Variants in DLGAP2 observed in about 807,000 individuals in gnomAD.
DLGAP2 encodes the protein disks large-associated protein 2.
In DLGAP2, 26 loss-of-function variants were observed where a neutral mutation model predicts 100.3. The observed-to-expected ratio is 0.26, with a 90% CI of 0.19 to 0.36. The LOEUF is 0.36. DLGAP2 is among the 10% of genes least tolerant of loss of function. DLGAP2 has a pLI of 1.00. For synonymous variants in DLGAP2, 886 were observed against 630.1 expected, an observed-to-expected ratio of 1.41 and a Z score of -6.08; for missense variants, 1,858 against 1,453.2, an observed-to-expected ratio of 1.28 and a Z score of -4.53.
Position 1,549,483 on chromosome 8 carries a change from A to G in DLGAP2, c.1030A>G (p.Lys344Glu). The G allele has an allele frequency of 6.2e-7, 1 of 1,613,546 alleles. No homozygotes were observed. Among genetic ancestry groups the G allele is most frequent in the Non-Finnish European group, 8.5e-7 (1 of 1,179,824 alleles). Residue 344 changes from lysine to glutamate, a missense_variant, in exon 5 of 15, where the codon AAG becomes GAG. Physicochemically the swap from Lys to Glu is moderately conservative, Grantham distance 56. Coordinates refer to ENST00000637795, the MANE Select transcript of DLGAP2 (RefSeq NM_001346810.2). ...CGGGGACCTGTCCCTCAAGACCTCC[A>G]AGAGCAACAACGACGTCAAGTGCTC... is the stretch of plus-strand genomic sequence containing the variant. The part of the protein sequence containing the change: ...PFGDLSLKTS[K>E]SNNDVKCSAC...
chr8:874,869 C>T (rs1190659671), intron 1 of DLGAP2, among the ~76,000 whole-genome samples: 2 of 152,156 alleles, frequency 1.3e-5, no homozygotes, highest in Admixed American at 1.3e-4. Flanking sequence ...TTTTGCTTCA[C>T]ATGTTTTGGT....
chr8:1,683,992 T>C (rs1209939400), intron 12 of DLGAP2, among the ~76,000 whole-genome samples: 1 of 113,090 alleles, frequency 8.8e-6, no homozygotes, highest in African/African-American at 3.5e-5. Context: ...ATATATACTT[T>C]TTTTTTTAAG....
chr8:1,372,818 G>T (rs1318173006), intron 3 of DLGAP2, among the ~76,000 whole-genome samples: 3 of 152,212 alleles, frequency 2.0e-5, no homozygotes, highest in Non-Finnish European at 4.4e-5. Context: ...CATGGCGTTA[G>T]ATACAGCCAC....
Position 1,678,483 on chromosome 8 carries a change from T to G in DLGAP2, c.2558T>G (p.Ile853Ser). The change falls in exon 12 of 15, where the codon ATC (isoleucine) becomes AGC (serine). Residue 853 changes from isoleucine to serine, a missense_variant. Ile to Ser is a moderately radical substitution (Grantham distance 142). Transcript: ENST00000637795. The part of the protein sequence containing the change: ...PPPDPWLEPA[I>S]DTVETGRMSP... ...CCAGACCCCTGGCTGGAGCCCGCCA[T>G]CGACACGGTAGAGACTGGGAGGATG... The G allele has an allele frequency of 6.2e-7, 1 of 1,613,252 alleles. No homozygotes were observed. Among genetic ancestry groups the G allele is most frequent in the Middle Eastern group, 1.7e-4 (1 of 6,060 alleles).
intron 3 of DLGAP2, among the ~76,000 whole-genome samples, chr8:1,417,690 G>A: frequency 6.9e-6 from 1 of 145,852 alleles, no homozygotes; most frequent in Non-Finnish European, 1.5e-5. Context: ...GGGGGGCACA[G>A]GGGGCCCCAC....
intron 2 of DLGAP2, among the ~76,000 whole-genome samples, chr8:1,064,867 C>T (rs992330143): frequency 1.3e-5 from 2 of 152,298 alleles, no homozygotes; most frequent in Middle Eastern, 3.4e-3. Context: ...CACACCTGGC[C>T]CCTGCACACA....
chr8:1,010,504 A>G lies in DLGAP2; in HGVS notation c.73+102538A>G, dbSNP rs76103777. ...CTAAAATACTACACATTACCCACAT[A>G]TGGGCACACATACGCCCACACACAC... On this transcript the variant is annotated intron_variant, in intron 2 of 14. Transcript: ENST00000637795. Among the ~76,000 whole-genome samples, 900 of 152,358 alleles carry G rather than the reference A, an allele frequency of 5.9e-3. 39 individuals carry two copies. In the East Asian group the frequency reaches 0.099, roughly 17 times the overall value.
At chr8:1,417,587 C>G (rs928450715) in intron 3 of DLGAP2, among the ~76,000 whole-genome samples, 10 of 87,682 alleles carry the variant, frequency 1.1e-4, no homozygotes, top group African/African-American at 4.4e-4. Flanking sequence ...AAAATGCGGA[C>G]AGATAAATAG....
At chr8:1,233,896 G>A (rs1798589012) in intron 2 of DLGAP2, among the ~76,000 whole-genome samples, 1 of 152,164 alleles carries the variant, frequency 6.6e-6, no homozygotes, top group Non-Finnish European at 1.5e-5. Context: ...GATGTATATG[G>A]AGGATAATAA....
At chr8:1,157,348 G>C (rs73182695) in intron 2 of DLGAP2, among the ~76,000 whole-genome samples, 11,003 of 152,198 alleles carry the variant, frequency 0.072, 536 homozygotes, top group Middle Eastern at 0.19. Context: ...CAGCGACGAC[G>C]GCCCTCAGGG....
intron 2 of DLGAP2, among the ~76,000 whole-genome samples, chr8:1,120,036 C>G (rs948593751): frequency 6.6e-6 from 1 of 152,196 alleles, no homozygotes; most frequent in Non-Finnish European, 1.5e-5. Flanking sequence ...AACCCTGTGT[C>G]AGGCAGCAAC....
At chr8:1,565,645 A>G in intron 5 of DLGAP2, 38 bp from the exon 6 acceptor site, 1 of 1,556,664 alleles carries the variant, frequency 6.4e-7, no homozygotes, top group Non-Finnish European at 8.8e-7. Context: ...GTTCTCAGTG[A>G]CAAAGTTGAT....
chr8:1,436,676 A>G (rs1367832192), intron 3 of DLGAP2, among the ~76,000 whole-genome samples: 1 of 152,168 alleles, frequency 6.6e-6, no homozygotes, highest in Admixed American at 6.5e-5. Flanking sequence ...TGTAGAGTCT[A>G]CAGTAGCATA....
intron 1 of DLGAP2, among the ~76,000 whole-genome samples, chr8:901,684 G>T (rs1408004053): frequency 6.6e-6 from 1 of 152,210 alleles, no homozygotes; most frequent in Admixed American, 6.5e-5. Context: ...TGTTTGATCA[G>T]TGGAGAGGGA....
At chr8:1,002,988 G>A (rs966831380) in intron 2 of DLGAP2, 8 of 152,224 alleles carry the variant, frequency 5.3e-5, no homozygotes, top group Admixed American at 1.3e-4. Flanking sequence ...TCTGGGACGC[G>A]AGCTCAAGTC....
At chr8:1,539,130 C>G (rs903382235) in intron 4 of DLGAP2, among the ~76,000 whole-genome samples, 2 of 152,166 alleles carry the variant, frequency 1.3e-5, no homozygotes, top group Non-Finnish European at 2.9e-5. Context: ...AAGTGATCCA[C>G]CTGCCTCAGC....
intron 2 of DLGAP2, among the ~76,000 whole-genome samples, chr8:1,124,353 C>T (rs1796116781): frequency 1.3e-5 from 2 of 152,274 alleles, no homozygotes; most frequent in South Asian, 2.1e-4. Context: ...GGCCCAGACT[C>T]CTCTCTCAGG....
At chr8:1,434,143 G>A (rs1024366402) in intron 3 of DLGAP2, among the ~76,000 whole-genome samples, 27 of 152,096 alleles carry the variant, frequency 1.8e-4, no homozygotes, top group Admixed American at 1.7e-3. Flanking sequence ...TGAGGGTTTC[G>A]CATTGGAGGA....
intron 2 of DLGAP2, among the ~76,000 whole-genome samples, chr8:1,196,475 C>T (rs1456580403): frequency 6.6e-6 from 1 of 152,176 alleles, no homozygotes; most frequent in Non-Finnish European, 1.5e-5. Flanking sequence ...AGGAAATATT[C>T]GTGCTTTCCT....
Sources: gnomAD v4.1 joint callset for allele counts (sites outside exome capture counted in the v4.1 genomes callset) on GRCh38, gnomAD v4.1.1 for gene constraint, MANE v1.5 for transcripts, NCBI Gene and HGNC (gene_info 2026-07-23, HGNC 2026-07-21) for gene names.